The following CSMD1 variants were observed in gnomAD, a reference collection of about 807,000 sequenced individuals.
CSMD1 encodes CUB and Sushi multiple domains 1.
CSMD1 carries 213 observed loss-of-function variants against 417.5 expected under a neutral mutation model. That is an observed-to-expected ratio of 0.51 (90% confidence interval 0.46 to 0.57). The LOEUF (loss-of-function observed/expected upper bound fraction) is 0.57, where lower values mean the gene tolerates loss of function less well. CSMD1 is among the 20% of genes least tolerant of loss of function. CSMD1 has a pLI of 0.00. For synonymous variants in CSMD1, 2,862 were observed against 1,736.8 expected, an observed-to-expected ratio of 1.65 and a Z score of -16.11; for missense variants, 6,923 against 4,529.7, an observed-to-expected ratio of 1.53 and a Z score of -15.17.
rs530523275 is a variant in CSMD1, at chr8:3,559,836, T to C, written c.1344+15109A>G. Among the ~76,000 whole-genome samples the C allele has an allele frequency of 7.9e-5, 12 of 152,104 alleles. No individual in the cohort carries two copies. In the South Asian group the frequency reaches 1.9e-3, roughly 24 times the overall value. On this transcript the variant is annotated intron_variant, in intron 10 of 69. Coordinates refer to ENST00000635120, the MANE Select transcript of CSMD1 (RefSeq NM_033225.6). ...CTATGAGGGATTAAAACAAAACATA[T>C]GGCAAGACTACTAAGAGGCCCCTAG...
intron 4 of CSMD1, among the ~76,000 whole-genome samples, chr8:4,009,151 T>C (rs927357586): frequency 6.6e-6 from 1 of 152,202 alleles, no homozygotes; most frequent in Non-Finnish European, 1.5e-5. Context: ...ATAAGGCATT[T>C]AAGGAAAGAT....
chr8:3,270,408 G>C (rs1008160092), intron 26 of CSMD1, among the ~76,000 whole-genome samples: 6 of 151,772 alleles, frequency 4.0e-5, no homozygotes, highest in Non-Finnish European at 7.4e-5. Flanking sequence ...TTTTAAAGCA[G>C]TGAAAAAAAA....
intron 30 of CSMD1, among the ~76,000 whole-genome samples, chr8:3,208,205 A>G (rs991825757): frequency 1.3e-5 from 2 of 152,194 alleles, no homozygotes; most frequent in African/African-American, 4.8e-5. Flanking sequence ...AAGAAGTATA[A>G]ATAAAAAGTG....
chr8:4,479,996 A>T (rs1303282855), intron 2 of CSMD1, among the ~76,000 whole-genome samples: 2 of 151,818 alleles, frequency 1.3e-5, no homozygotes, highest in African/African-American at 2.4e-5. Flanking sequence ...AGTCAACAAA[A>T]AAAAGCAAAC....
At chr8:3,286,164 C>CATAT (rs1563226959) in intron 25 of CSMD1, among the ~76,000 whole-genome samples, 14 of 151,854 alleles carry the variant, frequency 9.2e-5, no homozygotes, top group African/African-American at 3.4e-4. Flanking sequence ...ACTCATACTT[C>CATAT]TTTATGGCTG....
chr8:3,303,310 T>C (rs983053128), intron 25 of CSMD1, among the ~76,000 whole-genome samples: 4 of 152,112 alleles, frequency 2.6e-5, no homozygotes, highest in Admixed American at 2.0e-4. Context: ...CAGAAATGGA[T>C]TAATATTCCT....
intron 5 of CSMD1, among the ~76,000 whole-genome samples, chr8:3,956,624 T>C (rs1429274131): frequency 1.3e-5 from 2 of 152,224 alleles, no homozygotes; most frequent in Admixed American, 1.3e-4. Flanking sequence ...ATAACAAGAC[T>C]AAAATGTTGT....
intron 2 of CSMD1, among the ~76,000 whole-genome samples, chr8:4,595,315 T>C (rs1421826080): frequency 6.6e-6 from 1 of 152,124 alleles, no homozygotes; most frequent in Non-Finnish European, 1.5e-5. Context: ...GGGTGATTTC[T>C]AAGGCAAAGG....
chr8:4,645,879 G>T (rs183990950), intron 1 of CSMD1, among the ~76,000 whole-genome samples: 1 of 152,172 alleles, frequency 6.6e-6, no homozygotes, highest in African/African-American at 2.4e-5. Context: ...TCCGCTCACT[G>T]TACTTAAACA....
At chr8:4,014,646 C>G (rs897892177) in intron 4 of CSMD1, among the ~76,000 whole-genome samples, 17 of 152,170 alleles carry the variant, frequency 1.1e-4, no homozygotes, top group Admixed American at 9.8e-4. Context: ...GAGCCTGGGT[C>G]TTAGCAAGAA....
chr8:3,118,590 G>A lies in CSMD1; in HGVS notation c.6242-3C>T, dbSNP rs756204676. 6.2e-7 allele frequency: 1 copy of A among 1,608,450 alleles called. No individual in the cohort carries two copies. The highest frequency in any genetic ancestry group is 8.5e-7 in the Non-Finnish European group (1 of 1,178,138). The stretch of plus-strand genomic sequence containing the variant: ...TGGACAGTTCTGTAATTCATAGGCT[G>A]AAAGAAACAAACAGACAAAATAAAG... On this transcript the variant is annotated splice_region_variant and splice_polypyrimidine_tract_variant and intron_variant, in intron 41 of 69. Coordinates refer to ENST00000635120, the MANE Select transcript of CSMD1 (RefSeq NM_033225.6).
At chr8:3,971,134 G>A (rs886434951) in intron 5 of CSMD1, among the ~76,000 whole-genome samples, 1 of 151,448 alleles carries the variant, frequency 6.6e-6, no homozygotes, top group East Asian at 2.0e-4. Flanking sequence ...AAATCACACG[G>A]TGTTAAATAT....
intron 26 of CSMD1, among the ~76,000 whole-genome samples, chr8:3,275,027 T>A (rs570914200): frequency 1.2e-5 from 1 of 80,380 alleles, no homozygotes; most frequent in South Asian, 4.3e-4. Flanking sequence ...CTAGCCTTGA[T>A]GGTCTTTACA....
chr8:4,666,660 T>C, intron 1 of CSMD1, among the ~76,000 whole-genome samples: 1 of 152,238 alleles, frequency 6.6e-6, no homozygotes, highest in South Asian at 2.1e-4. Context: ...AAATAATCCA[T>C]AACTGTAATT....
At chr8:4,624,262 C>G (rs77422878) in intron 2 of CSMD1, among the ~76,000 whole-genome samples, 168 of 152,196 alleles carry the variant, frequency 1.1e-3, no homozygotes, top group Non-Finnish European at 1.9e-3. Flanking sequence ...TCAAACCATA[C>G]CATTGCAACA....
chr8:3,485,132 C>T (rs568721269), intron 11 of CSMD1, among the ~76,000 whole-genome samples: 3 of 152,288 alleles, frequency 2.0e-5, no homozygotes, highest in African/African-American at 7.2e-5. Flanking sequence ...TAGCTTTCTT[C>T]ATAATAGTCA....
intron 3 of CSMD1, among the ~76,000 whole-genome samples, chr8:4,374,975 GAT>G (rs1802638101): frequency 9.0e-6 from 1 of 111,110 alleles, no homozygotes; most frequent in African/African-American, 3.1e-5. Flanking sequence ...GGGGGGGGGC[GAT>G]AGTGGGGGTA....
intron 1 of CSMD1, among the ~76,000 whole-genome samples, chr8:4,699,106 T>G (rs1288954971): frequency 6.6e-6 from 1 of 152,170 alleles, no homozygotes; most frequent in East Asian, 1.9e-4. Context: ...GTCTTCGCTT[T>G]CTCATTACTC....
intron 6 of CSMD1, among the ~76,000 whole-genome samples, chr8:3,743,258 G>T (rs1323421350): frequency 6.6e-6 from 1 of 152,158 alleles, no homozygotes; most frequent in Non-Finnish European, 1.5e-5. Context: ...AAATATTCCA[G>T]GAATTATTCA....
Sources: gnomAD v4.1 joint callset for allele counts (sites outside exome capture counted in the v4.1 genomes callset) on GRCh38, gnomAD v4.1.1 for gene constraint, MANE v1.5 for transcripts, NCBI Gene and HGNC (gene_info 2026-07-23, HGNC 2026-07-21) for gene names.